The following GALNTL6 variants were observed in gnomAD, a reference collection of about 807,000 sequenced individuals.
GALNTL6 encodes polypeptide N-acetylgalactosaminyltransferase-like 6.
Under a neutral mutation model 73.7 loss-of-function variants are expected in GALNTL6, and 46 were observed. That is an observed-to-expected ratio of 0.62 (90% CI 0.49 to 0.80). GALNTL6 has a LOEUF of 0.80. GALNTL6 is among the 30% of genes least tolerant of loss of function. The pLI, the probability that GALNTL6 is intolerant of heterozygous loss-of-function variation, is 0.00. For missense variants in GALNTL6, 604 were observed against 755.0 expected (o/e 0.80, Z 2.34); for synonymous variants, 259 against 263.7 (o/e 0.98, Z 0.17).
chr4:172,234,986 G>T (rs1012222924), intron 3 of GALNTL6, among the ~76,000 whole-genome samples: 2 of 152,034 alleles, frequency 1.3e-5, no homozygotes, highest in Non-Finnish European at 2.9e-5. Context: ...TACAGTAGTA[G>T]TTGATTATCT....
At chr4:172,990,635 CAG>C (rs1304572962) in intron 10 of GALNTL6, among the ~76,000 whole-genome samples, 6 of 152,042 alleles carry the variant, frequency 3.9e-5, no homozygotes, top group Non-Finnish European at 8.8e-5. Context: ...AAGCAGCTGT[CAG>C]AGTCTTATAG....
intron 7 of GALNTL6, among the ~76,000 whole-genome samples, chr4:172,865,670 A>C (rs989319078): frequency 2.0e-5 from 3 of 152,122 alleles, no homozygotes; most frequent in Non-Finnish European, 4.4e-5. Flanking sequence ...AGCCCATTTT[A>C]TATCACCTCC....
intron 5 of GALNTL6, among the ~76,000 whole-genome samples, chr4:172,602,535 A>C (rs1236537019): frequency 6.6e-6 from 1 of 152,178 alleles, no homozygotes; most frequent in Admixed American, 6.6e-5. Flanking sequence ...TCACAAAACA[A>C]AGTGGAAGAG....
At chr4:172,396,306 CTTTTTTTTTCTT>C (rs933315934) in intron 5 of GALNTL6, among the ~76,000 whole-genome samples, 8 of 36,898 alleles carry the variant, frequency 2.2e-4, no homozygotes, top group African/African-American at 7.3e-4. Context: ...TTACTATTTT[CTTTTTTTTTCTT>C]TTTTTTTTTT....
intron 2 of GALNTL6, among the ~76,000 whole-genome samples, chr4:171,957,354 A>G (rs1364238339): frequency 6.6e-6 from 1 of 152,226 alleles, no homozygotes; most frequent in Non-Finnish European, 1.5e-5. Flanking sequence ...TATATTTATA[A>G]TTGTAGTTTT....
chr4:171,888,901 A>G (rs1000476455), intron 2 of GALNTL6, among the ~76,000 whole-genome samples: 9 of 152,156 alleles, frequency 5.9e-5, no homozygotes, highest in Admixed American at 2.6e-4. Context: ...TTTACTCTGT[A>G]GACCAAACAC....
At chr4:172,767,470 A>C (rs1738500482) in intron 5 of GALNTL6, among the ~76,000 whole-genome samples, 1 of 152,280 alleles carries the variant, frequency 6.6e-6, no homozygotes, top group South Asian at 2.1e-4. Context: ...TCCTCCACAT[A>C]GCCTTGCACA....
At chr4:172,155,341 TCCA>T (rs1734222680) in intron 2 of GALNTL6, among the ~76,000 whole-genome samples, 1 of 152,144 alleles carries the variant, frequency 6.6e-6, no homozygotes, top group Non-Finnish European at 1.5e-5. Context: ...GTTCATTGCT[TCCA>T]CCAAGTGAGG....
At chr4:172,116,391 G>T (rs909340613) in intron 2 of GALNTL6, among the ~76,000 whole-genome samples, 2 of 152,134 alleles carry the variant, frequency 1.3e-5, no homozygotes, top group Middle Eastern at 3.2e-3. Context: ...CAGTCCATGT[G>T]TGAAAATCTG....
At chr4:172,491,394 ATAAT>A in intron 5 of GALNTL6, among the ~76,000 whole-genome samples, 1 of 152,132 alleles carries the variant, frequency 6.6e-6, no homozygotes, top group Non-Finnish European at 1.5e-5. Flanking sequence ...AAAATTTTAA[ATAAT>A]TACATTTTGA....
At chr4:172,707,344 A>G (rs575438461) in intron 5 of GALNTL6, among the ~76,000 whole-genome samples, 6 of 152,326 alleles carry the variant, frequency 3.9e-5, no homozygotes, top group Non-Finnish European at 7.3e-5. Context: ...AACTACCACA[A>G]ATCAGTAGTC....
At chr4:172,131,929 T>A (rs2111019877) in intron 2 of GALNTL6, among the ~76,000 whole-genome samples, 1 of 152,156 alleles carries the variant, frequency 6.6e-6, no homozygotes, top group Non-Finnish European at 1.5e-5. Context: ...AGAGAATCAA[T>A]GAGACAGCTC....
chr4:172,738,082 T>A (rs1736576381), intron 5 of GALNTL6, among the ~76,000 whole-genome samples: 1 of 152,216 alleles, frequency 6.6e-6, no homozygotes, highest in African/African-American at 2.4e-5. Flanking sequence ...GAGATAGTTT[T>A]CCCTTCAGGC....
In GALNTL6 at chr4:172,387,097, G is replaced by A. The variant is rs1482821389; in HGVS notation, c.553+38408G>A. Among the ~76,000 whole-genome samples the A allele has an allele frequency of 2.0e-5, 3 of 151,944 alleles. No individual in the cohort carries two copies. The East Asian group carries it at 5.8e-4, about 29-fold the overall frequency. On this transcript the variant is annotated intron_variant, in intron 5 of 12. Transcript: ENST00000506823. ...TCACAGGTACTAATACCATCCTGAG[G>A]GCCCCACCCTCATAATTTTATTACC... is the stretch of plus-strand genomic sequence containing the variant.
intron 5 of GALNTL6, among the ~76,000 whole-genome samples, chr4:172,566,767 AGC>A (rs1736569941): frequency 6.6e-6 from 1 of 152,052 alleles, no homozygotes; most frequent in Non-Finnish European, 1.5e-5. Flanking sequence ...TAACAAAATC[AGC>A]AAACCTTTAG....
At chr4:171,853,913 A>G (rs957090857) in intron 2 of GALNTL6, among the ~76,000 whole-genome samples, 5 of 152,008 alleles carry the variant, frequency 3.3e-5, no homozygotes, top group African/African-American at 1.2e-4. Context: ...CGCCTGGCCT[A>G]TTTAGCCACT....
chr4:171,904,159 G>A (rs1737196584), intron 2 of GALNTL6, among the ~76,000 whole-genome samples: 1 of 152,204 alleles, frequency 6.6e-6, no homozygotes, highest in African/African-American at 2.4e-5. Context: ...ACTTTGACGA[G>A]CTGAGAGAAG....
At chr4:171,883,335 G>T (rs1420685051) in intron 2 of GALNTL6, among the ~76,000 whole-genome samples, 3 of 152,150 alleles carry the variant, frequency 2.0e-5, no homozygotes, top group African/African-American at 7.2e-5. Flanking sequence ...CTGAGCGACA[G>T]AGCAAGACTC....
At chr4:172,625,352 G>A (rs1383772592) in intron 5 of GALNTL6, among the ~76,000 whole-genome samples, 6 of 151,932 alleles carry the variant, frequency 3.9e-5, no homozygotes, top group Non-Finnish European at 5.9e-5. Flanking sequence ...CATCCAGGTC[G>A]CTGCAGAGGA....
Sources: allele counts gnomAD v4.1 joint callset (sites outside exome capture counted in the v4.1 genomes callset), GRCh38; gene constraint gnomAD v4.1.1; transcripts MANE v1.5; gene names NCBI Gene and HGNC (gene_info 2026-07-23, HGNC 2026-07-21).